ZCCHC14: variants seen among roughly 807,000 people sequenced by gnomAD.
ZCCHC14 encodes the protein zinc finger CCHC-type containing 14.
In ZCCHC14, 16 loss-of-function variants were observed where a neutral mutation model predicts 85.0. That is an observed-to-expected ratio of 0.19 (90% CI 0.13 to 0.29). ZCCHC14 has a LOEUF of 0.29. Ranked by LOEUF, ZCCHC14 falls within the 10% of genes least tolerant of loss-of-function variation. The pLI is 1.00. For synonymous variants in ZCCHC14, 775 were observed against 630.7 expected (o/e 1.23, Z -3.43); for missense variants, 1,303 against 1,443.5 (o/e 0.90, Z 1.58).
intron 1 of ZCCHC14, among the ~76,000 whole-genome samples, chr16:87,487,536 C>A (rs1241204698): frequency 6.6e-6 from 1 of 152,228 alleles, no homozygotes; most frequent in Non-Finnish European, 1.5e-5. Context: ...GCTGAGGCCA[C>A]ACCTACACAG....
At position 87,420,455 on chromosome 16, in the gene ZCCHC14, G is replaced by C; in HGVS notation, c.950+152C>G. On this transcript the variant is annotated intron_variant, in intron 5 of 12. Transcript: ENST00000671377. The surrounding 1 kb of genome is among the most constrained non-coding windows in gnomAD (Gnocchi z 5.0). ...TTACTGAGGGCTCCCGAATCCTCCA[G>C]AACTAATGGAAATCCCTAGAGGCCA... 1 of 587,576 alleles carries C rather than the reference G, an allele frequency of 1.7e-6. No homozygotes were observed. The allele number at this position is 587,576 out of a possible 1,614,324, so 36.4% of individuals were successfully genotyped here.
chr16:87,475,630 G>A lies in ZCCHC14; in HGVS notation c.571-15499C>T, dbSNP rs1326234519. Among the ~76,000 whole-genome samples, 9 of 150,304 alleles carry A rather than the reference G, an allele frequency of 6.0e-5. No individual in the cohort carries two copies. In the Middle Eastern group the frequency reaches 0.01, roughly 175 times the overall value. On this transcript the variant is annotated intron_variant, in intron 1 of 12. Transcript: ENST00000671377. The stretch of plus-strand genomic sequence containing the variant: ...CTAAACGAAGAAAAATCCTGTGGAC[G>A]AGCTTTAACAGCAGACTGGAGGTAA...
In ZCCHC14 at chr16:87,406,513, T is replaced by C. The variant is rs1908208274; in HGVS notation, c.*3767A>G. 1 of 152,554 alleles carries C rather than the reference T, an allele frequency of 6.6e-6. No individual in the cohort carries two copies. The highest frequency in any genetic ancestry group is 2.4e-5 in the African/African-American group (1 of 41,440). 9.5% of individuals were successfully genotyped at this position (152,554 alleles called of 1,614,324 possible). Reference sequence around the variant, plus strand: ...AAATGGGAGAATTTTCCTTCATTCCTAAAAAGAAAATATGTCCAATAGAAG... The same window carrying C: ...AAATGGGAGAATTTTCCTTCATTCCCAAAAAGAAAATATGTCCAATAGAAG... On this transcript the variant is annotated 3_prime_UTR_variant, in exon 13 of 13. Transcript: ENST00000671377.
At chr16:87,443,151 G>C (rs1910267473) in intron 2 of ZCCHC14, among the ~76,000 whole-genome samples, 1 of 152,192 alleles carries the variant, frequency 6.6e-6, no homozygotes, top group African/African-American at 2.4e-5. Flanking sequence ...CATTAACGCG[G>C]TCCCAAGCAG....
chr16:87,425,679 G>C (rs901744957), intron 3 of ZCCHC14, among the ~76,000 whole-genome samples: 1 of 152,140 alleles, frequency 6.6e-6, no homozygotes, highest in Non-Finnish European at 1.5e-5. Context: ...ATCTTGGGGA[G>C]AGGTTCCTAA....
intron 2 of ZCCHC14, among the ~76,000 whole-genome samples, chr16:87,449,054 G>A (rs993617625): frequency 2.0e-5 from 3 of 152,166 alleles, no homozygotes; most frequent in Non-Finnish European, 4.4e-5. Context: ...GATGAGGGAC[G>A]CCTGAGTCAG....
At chr16:87,433,022 G>C in intron 3 of ZCCHC14, 106 bp downstream of exon 3, 1 of 1,239,380 alleles carries the variant, frequency 8.1e-7, no homozygotes, top group Non-Finnish European at 1.1e-6. Context: ...ACTGGCACGG[G>C]GCTTTGCACA....
intron 10 of ZCCHC14, among the ~76,000 whole-genome samples, chr16:87,414,119 G>GCC (rs1307232515): frequency 1.5e-5 from 2 of 136,376 alleles, no homozygotes; most frequent in African/African-American, 6.8e-5. Context: ...CGGCACACCG[G>GCC]CCCTCTCTGT....
intron 3 of ZCCHC14, among the ~76,000 whole-genome samples, chr16:87,432,641 C>A (rs901035327): frequency 6.6e-6 from 1 of 152,150 alleles, no homozygotes; most frequent in African/African-American, 2.4e-5. Context: ...CCATCTCGAC[C>A]CTGGTCACCG....
chr16:87,483,304 CAAAAAAAAAAAAAAAAAA>C lies in ZCCHC14; in HGVS notation c.570+8347_570+8364del, dbSNP rs56708958. ...GAAACCCCATCTCTACTAAAAATAC[CAAAAAAAAAAAAAAAAAA>C]AAAAAAAAAAAAAAAAAAATTAGCC... On this transcript the variant is annotated intron_variant, in intron 1 of 12. Transcript: ENST00000671377. Among the ~76,000 whole-genome samples, 17 of 43,662 alleles carry C rather than the reference CAAAAAAAAAAAAAAAAAA, an allele frequency of 3.9e-4. 1 individual carries two copies. The highest frequency in any genetic ancestry group is 2.2e-3 in the Admixed American group (7 of 3,248). 28.6% of individuals were successfully genotyped at this position (43,662 alleles called of 152,430 possible).
rs1912811515 is a variant in ZCCHC14, at chr16:87,492,415, CGGGGCCGGGCAAGGCTCCCGTCA to C, written c.-200_-178del. 7.0e-6 allele frequency: 1 copy of C among 142,346 alleles called. No homozygotes were observed. The allele number at this position is 142,346 out of a possible 1,614,324, so 8.8% of individuals were successfully genotyped here. On this transcript the variant is annotated 5_prime_UTR_variant, in exon 1 of 13. Transcript: ENST00000671377. This position sits in a 1 kb window ranked among gnomAD's most constrained non-coding sequence, Gnocchi z 6.7. ...CGGGCGCCGGGGCGGGGGCGGGGACCGGGGCCGGGCAAGGCTCCCGTCAGGGGCCGGCGGGCGGGCGCGCGCGG... is the reference window on the plus strand; with the variant it reads ...CGGGCGCCGGGGCGGGGGCGGGGACCGGGGCCGGCGGGCGGGCGCGCGCGG...
chr16:87,442,170 G>A (rs1035247582), intron 2 of ZCCHC14, among the ~76,000 whole-genome samples: 6 of 152,156 alleles, frequency 3.9e-5, no homozygotes, highest in African/African-American at 4.8e-5. Context: ...CTGAACTGCC[G>A]AACACACCTC....
chr16:87,461,739 C>G (rs1911269020), intron 1 of ZCCHC14, among the ~76,000 whole-genome samples: 1 of 152,226 alleles, frequency 6.6e-6, no homozygotes, highest in African/African-American at 2.4e-5. Flanking sequence ...ACTGCTGCCA[C>G]TCCGGCAGGA....
chr16:87,434,429 G>C (rs564806811), intron 2 of ZCCHC14, among the ~76,000 whole-genome samples: 2 of 152,236 alleles, frequency 1.3e-5, no homozygotes, highest in African/African-American at 4.8e-5. Context: ...AAGAGGCTAC[G>C]GGAGCATTCT....
At chr16:87,433,879 G>C (rs1479634511) in intron 2 of ZCCHC14, among the ~76,000 whole-genome samples, 1 of 151,646 alleles carries the variant, frequency 6.6e-6, no homozygotes. Context: ...CCTGACCTCA[G>C]GTGATCCGCC....
At chr16:87,413,655 A>G (rs1360961203) in intron 10 of ZCCHC14, among the ~76,000 whole-genome samples, 5 of 152,082 alleles carry the variant, frequency 3.3e-5, no homozygotes, top group Non-Finnish European at 7.4e-5. Flanking sequence ...ACAACGGAGC[A>G]AGCGCGCCAG....
intron 1 of ZCCHC14, chr16:87,467,421 A>C: frequency 6.2e-7 from 1 of 1,603,086 alleles, no homozygotes; most frequent in Non-Finnish European, 8.5e-7. Flanking sequence ...TCCTGGAGCA[A>C]ATATGATTGG....
At chr16:87,430,103 T>C (rs887629363) in intron 3 of ZCCHC14, among the ~76,000 whole-genome samples, 1 of 152,238 alleles carries the variant, frequency 6.6e-6, no homozygotes, top group African/African-American at 2.4e-5. Flanking sequence ...ATGGATGTTT[T>C]CAGCACCGTA....
chr16:87,459,797 C>T (rs1911165599), intron 2 of ZCCHC14, among the ~76,000 whole-genome samples: 1 of 152,198 alleles, frequency 6.6e-6, no homozygotes, highest in African/African-American at 2.4e-5. Context: ...GTGTGAGAAA[C>T]CACGTCTGGA....
Sources: allele counts gnomAD v4.1 joint callset (sites outside exome capture counted in the v4.1 genomes callset), GRCh38; gene constraint gnomAD v4.1.1; non-coding constraint Gnocchi (gnomAD v3.1); transcripts MANE v1.5; gene names NCBI Gene and HGNC (gene_info 2026-07-23, HGNC 2026-07-21).